FNTA: variants seen among roughly 807,000 people sequenced by gnomAD.
FNTA encodes the protein protein farnesyltransferase/geranylgeranyltransferase type-1 subunit alpha.
In FNTA, 27 loss-of-function variants were observed where a neutral mutation model predicts 55.2. The observed-to-expected ratio is 0.49, with a 90% confidence interval of 0.36 to 0.67. FNTA has a LOEUF of 0.67. Ranked by LOEUF, FNTA falls within the 30% of genes least tolerant of loss-of-function variation. The pLI is 0.00. For missense variants in FNTA, 422 were observed against 464.7 expected (o/e 0.91, Z 0.85); for synonymous variants, 176 against 170.7 (o/e 1.03, Z -0.24).
At chr8:43,061,203 A>G (rs1015385262) in intron 2 of FNTA, among the ~76,000 whole-genome samples, 2 of 152,230 alleles carry the variant, frequency 1.3e-5, no homozygotes, top group African/African-American at 4.8e-5. Flanking sequence ...AAATGCACTT[A>G]TCTTACAACC....
At chr8:43,063,330 C>T (rs925610703) in intron 2 of FNTA, 5 of 455,708 alleles carry the variant, frequency 1.1e-5, no homozygotes, top group African/African-American at 8.0e-5. Context: ...ATCTGCCTGC[C>T]TCAGTCTTTT....
intron 4 of FNTA, among the ~76,000 whole-genome samples, chr8:43,071,532 C>T (rs1003361800): frequency 3.3e-5 from 5 of 151,770 alleles, no homozygotes; most frequent in Admixed American, 1.3e-4. Flanking sequence ...ATTAGCCGGG[C>T]GTGGTGGCAG....
intron 2 of FNTA, among the ~76,000 whole-genome samples, chr8:43,063,087 C>CTTT (rs35545408): frequency 7.4e-6 from 1 of 134,582 alleles, no homozygotes; most frequent in African/African-American, 2.7e-5. Flanking sequence ...CTGGCAGTTC[C>CTTT]TTTTTTTTTT....
intron 3 of FNTA, among the ~76,000 whole-genome samples, chr8:43,068,486 G>A (rs191804176): frequency 6.6e-6 from 1 of 152,242 alleles, no homozygotes; most frequent in East Asian, 1.9e-4. Flanking sequence ...CATTTTTGTG[G>A]TTGTTCTAGA....
Position 43,059,082 on chromosome 8 carries a change from CTG to C in FNTA, c.201-8_201-7del, listed in dbSNP as rs1238138228. ...AATGTAACCACTGGTTGGGGAATGTCTGTTTTCAGGGACAGAGCAGAATGGGC... is the reference window on the plus strand; with the variant it reads ...AATGTAACCACTGGTTGGGGAATGTCTTTTCAGGGACAGAGCAGAATGGGC... On this transcript the variant is annotated splice_region_variant and splice_polypyrimidine_tract_variant and intron_variant, in intron 1 of 8. Transcript: ENST00000302279. 5 of 1,608,112 alleles carry C rather than the reference CTG, an allele frequency of 3.1e-6. No individual in the cohort carries two copies. The highest frequency in any genetic ancestry group is 3.4e-6 in the Non-Finnish European group (4 of 1,176,394).
At position 43,056,536 on chromosome 8, in the gene FNTA, G is replaced by A. The variant is rs143321089; in HGVS notation, c.190G>A (p.Val64Ile). Reference sequence around the variant, plus strand: ...TGTGAGCCTGGACTCGCCCTCCTATGTCCTGTACAGGTAACGCCCCCGCGG... The same window carrying A: ...TGTGAGCCTGGACTCGCCCTCCTATATCCTGTACAGGTAACGCCCCCGCGG... ...GFVSLDSPSY[V>I]LYRDRAEWAD... The change falls in exon 1 of 9, where the codon GTC (valine) becomes ATC (isoleucine). Residue 64 changes from valine (V) to isoleucine (I), a missense_variant. Physicochemically the swap from Val to Ile is conservative, Grantham distance 29. This residue lies in a region of FNTA where 160 missense variants were observed against 121.6 expected (regional missense o/e 1.32). Coordinates refer to ENST00000302279, the MANE Select transcript of FNTA (RefSeq NM_002027.3). 1,265 of 1,510,850 alleles carry A rather than the reference G, an allele frequency of 8.4e-4. 14 individuals are homozygous for A. The South Asian group carries it at 0.01, about 12-fold the overall frequency. The allele number at this position is 1,510,850 out of a possible 1,614,324, so 93.6% of individuals were successfully genotyped here.
chr8:43,063,522 G>A (rs534845678), intron 2 of FNTA, among the ~76,000 whole-genome samples: 2 of 152,242 alleles, frequency 1.3e-5, no homozygotes, highest in Admixed American at 1.3e-4. Context: ...TAATGTACGA[G>A]TGAAAAATGC....
At chr8:43,066,206 A>G (rs1810654683) in intron 3 of FNTA, among the ~76,000 whole-genome samples, 1 of 149,012 alleles carries the variant, frequency 6.7e-6, no homozygotes, top group Non-Finnish European at 1.5e-5. Flanking sequence ...GGATTTTTAA[A>G]GATTTCTGCA....
intron 5 of FNTA, among the ~76,000 whole-genome samples, chr8:43,074,481 C>T (rs888196537): frequency 6.6e-6 from 1 of 152,036 alleles, no homozygotes; most frequent in African/African-American, 2.4e-5. Flanking sequence ...GCTATGCTCA[C>T]GCCACCACAG....
intron 2 of FNTA, among the ~76,000 whole-genome samples, chr8:43,059,496 A>G (rs1810484383): frequency 6.6e-6 from 1 of 152,240 alleles, no homozygotes; most frequent in Non-Finnish European, 1.5e-5. Flanking sequence ...ACCACACAAT[A>G]TAAATGAGTT....
chr8:43,084,949 A>G, intron 8 of FNTA, 68 bp downstream of exon 8: 1 of 1,431,024 alleles, frequency 7.0e-7, no homozygotes, highest in African/African-American at 1.4e-5. Flanking sequence ...TACCACTAAT[A>G]TCCATGTCCC....
intron 6 of FNTA, chr8:43,078,762 G>A (rs1162573984): frequency 6.6e-6 from 1 of 152,248 alleles, no homozygotes; most frequent in Non-Finnish European, 1.5e-5. Flanking sequence ...AGCCAGAAGT[G>A]ATTAAGCTTA....
At chr8:43,072,373 TA>T in intron 5 of FNTA, 66 bp downstream of exon 5, 1 of 1,246,940 alleles carries the variant, frequency 8.0e-7, no homozygotes, top group Non-Finnish European at 1.1e-6. Flanking sequence ...AAATTACTCT[TA>T]AAGTCTGTTT....
Position 43,059,088 on chromosome 8 carries a change from T to A in FNTA, c.201-4T>A. On this transcript the variant is annotated splice_polypyrimidine_tract_variant and splice_region_variant and intron_variant, in intron 1 of 8. Coordinates refer to ENST00000302279, the MANE Select transcript of FNTA (RefSeq NM_002027.3). ...ACCACTGGTTGGGGAATGTCTGTTT[T>A]CAGGGACAGAGCAGAATGGGCTGAT... The A allele has an allele frequency of 5.0e-6, 8 of 1,611,658 alleles. No individual in the cohort carries two copies. The highest frequency in any genetic ancestry group is 6.8e-6 in the Non-Finnish European group (8 of 1,178,694).
chr8:43,075,072 CA>C (rs1810879057), intron 5 of FNTA, among the ~76,000 whole-genome samples: 1 of 152,134 alleles, frequency 6.6e-6, no homozygotes, highest in Admixed American at 6.5e-5. Flanking sequence ...TTATAACTTC[CA>C]TGAGTCTGAA....
At chr8:43,064,046 A>G (rs1810596853) in intron 2 of FNTA, 55 bp from the exon 3 acceptor site, 2 of 1,040,512 alleles carry the variant, frequency 1.9e-6, no homozygotes, top group South Asian at 2.6e-5. Context: ...ATTATACATT[A>G]TAGTGCTAAT....
chr8:43,068,841 T>A (rs1016092034), intron 3 of FNTA, among the ~76,000 whole-genome samples: 1 of 151,594 alleles, frequency 6.6e-6, no homozygotes, highest in African/African-American at 2.4e-5. Flanking sequence ...GTCTCCCAGG[T>A]AGCTGGGATT....
chr8:43,056,446 C>G lies in FNTA; in HGVS notation c.100C>G (p.Gln34Glu), dbSNP rs539651936. The change falls in exon 1 of 9, where the codon CAG becomes GAG. Residue 34 changes from glutamine (Q) to glutamate (E), a missense_variant. Physicochemically the swap from Gln to Glu is conservative, Grantham distance 29 (BLOSUM62 2). Coordinates refer to ENST00000302279, the MANE Select transcript of FNTA (RefSeq NM_002027.3). Reference sequence around the variant, plus strand: ...GCCGCACCCACCGCCGCCCCAGCAGCAGCACAAGGAAGAGATGGCGGCCGA... The same window carrying G: ...GCCGCACCCACCGCCGCCCCAGCAGGAGCACAAGGAAGAGATGGCGGCCGA... ...PQPHPPPPQQ[Q>E]HKEEMAAEAG... The G allele has an allele frequency of 4.1e-5, 64 of 1,558,120 alleles. No individual in the cohort carries two copies. In the East Asian group the frequency reaches 1.6e-3, roughly 38 times the overall value.
chr8:43,084,136 G>T (rs920506209), intron 7 of FNTA, among the ~76,000 whole-genome samples: 1 of 148,118 alleles, frequency 6.8e-6, no homozygotes, highest in East Asian at 2.0e-4. Context: ...GATTTATTTT[G>T]TGTGTTGTAC....
Sources: gnomAD v4.1 joint callset for allele counts (sites outside exome capture counted in the v4.1 genomes callset) on GRCh38, gnomAD v4.1.1 for gene constraint, gnomAD v4.1.1 regional missense constraint, MANE v1.5 for transcripts, NCBI Gene and HGNC (gene_info 2026-07-23, HGNC 2026-07-21) for gene names.